The following DAB1 variants were observed in gnomAD, a reference collection of about 807,000 sequenced individuals.
The protein encoded by DAB1 is disabled homolog 1.
A neutral mutation model predicts 64.6 loss-of-function variants in DAB1; 15 were observed. The ratio of observed to expected loss-of-function variants is 0.23; its 90% CI spans 0.16 to 0.36. The LOEUF (loss-of-function observed/expected upper bound fraction) is 0.36, where lower values mean the gene tolerates loss of function less well. DAB1 is among the 10% of genes least tolerant of loss of function. DAB1 has a pLI of 1.00. For synonymous variants in DAB1, 235 were observed against 251.9 expected (o/e 0.93, Z 0.64); for missense variants, 596 against 706.7 (o/e 0.84, Z 1.78).
intron 1 of DAB1, among the ~76,000 whole-genome samples, chr1:57,407,667 C>T (rs968095267): frequency 6.6e-6 from 1 of 152,104 alleles, no homozygotes; most frequent in Non-Finnish European, 1.5e-5. Flanking sequence ...AGCTAGTTAT[C>T]AGCCAAGCCT....
intron 5 of DAB1, among the ~76,000 whole-genome samples, chr1:58,102,427 G>A (rs1651378820): frequency 1.3e-5 from 2 of 152,172 alleles, no homozygotes; most frequent in South Asian, 4.1e-4. Flanking sequence ...CTGGAATGGA[G>A]ACACCAAGAA....
intron 5 of DAB1, among the ~76,000 whole-genome samples, chr1:58,100,161 T>C (rs1651228493): frequency 1.3e-5 from 2 of 152,236 alleles, no homozygotes; most frequent in Admixed American, 1.3e-4. Flanking sequence ...GTTCACAATG[T>C]TGAAAACCTT....
intron 4 of DAB1, among the ~76,000 whole-genome samples, chr1:58,210,667 C>T (rs1658508846): frequency 1.3e-5 from 2 of 152,160 alleles, no homozygotes; most frequent in South Asian, 4.1e-4. Flanking sequence ...TTCATGTATT[C>T]ATTTATTCCA....
At chr1:57,728,226 T>C (rs1214497595) in intron 6 of DAB1, among the ~76,000 whole-genome samples, 3 of 152,152 alleles carry the variant, frequency 2.0e-5, no homozygotes, top group Non-Finnish European at 4.4e-5. Context: ...AAAACCAAAG[T>C]CTGTTCTGCT....
intron 5 of DAB1, among the ~76,000 whole-genome samples, chr1:58,065,602 C>A (rs1483585579): frequency 6.6e-6 from 1 of 152,146 alleles, no homozygotes; most frequent in Non-Finnish European, 1.5e-5. Context: ...AATGGAACAA[C>A]ATGGTCCCCT....
chr1:58,206,376 G>A (rs1658284726), intron 4 of DAB1, among the ~76,000 whole-genome samples: 1 of 152,172 alleles, frequency 6.6e-6, no homozygotes, highest in Non-Finnish European at 1.5e-5. Flanking sequence ...TTCATTGGGA[G>A]GAAAGTATGC....
intron 4 of DAB1, among the ~76,000 whole-genome samples, chr1:57,124,385 T>G (rs1656940638): frequency 1.3e-5 from 2 of 152,106 alleles, no homozygotes; most frequent in Non-Finnish European, 2.9e-5. Context: ...AGATGATGCA[T>G]CTCAGTATCT....
intron 7 of DAB1, among the ~76,000 whole-genome samples, chr1:57,516,575 C>A (rs1028471347): frequency 3.3e-5 from 5 of 152,188 alleles, no homozygotes; most frequent in African/African-American, 1.2e-4. Context: ...TTACTCTGAT[C>A]TTGTCATCTG....
chr1:58,389,000 G>A (rs1270555963), intron 3 of DAB1, among the ~76,000 whole-genome samples: 1 of 152,212 alleles, frequency 6.6e-6, no homozygotes, highest in Non-Finnish European at 1.5e-5. Context: ...CATGAAGCAG[G>A]CAACAAACAT....
chr1:57,772,886 T>G (rs1230761302), intron 6 of DAB1, among the ~76,000 whole-genome samples: 2 of 152,112 alleles, frequency 1.3e-5, no homozygotes, highest in Non-Finnish European at 2.9e-5. Context: ...GAGGTCAAAC[T>G]GAATTATGGT....
chr1:58,120,337 C>T (rs2100671076), intron 5 of DAB1, among the ~76,000 whole-genome samples: 1 of 152,252 alleles, frequency 6.6e-6, no homozygotes, highest in East Asian at 1.9e-4. Context: ...CCTCTCAGTG[C>T]TCCCTGTTTG....
At chr1:58,165,395 C>G (rs77824895) in intron 4 of DAB1, among the ~76,000 whole-genome samples, 1 of 152,250 alleles carries the variant, frequency 6.6e-6, no homozygotes, top group African/African-American at 2.4e-5. Context: ...ATAATTCCTG[C>G]AAACCTCCCC....
At chr1:57,566,633 GAATAC>G (rs1445029621) in intron 7 of DAB1, among the ~76,000 whole-genome samples, 1 of 152,126 alleles carries the variant, frequency 6.6e-6, no homozygotes, top group African/African-American at 2.4e-5. Context: ...TACCATCAGA[GAATAC>G]TATAAACACC....
At chr1:57,145,467 G>A (rs1332480363) in intron 2 of DAB1, 38 bp from the exon 3 acceptor site, 3 of 1,609,646 alleles carry the variant, frequency 1.9e-6, no homozygotes, top group African/African-American at 1.3e-5. Context: ...ATGTAGCTGT[G>A]CAGACCCCAG....
At chr1:57,233,793 C>T (rs1034855327) in intron 2 of DAB1, among the ~76,000 whole-genome samples, 8 of 151,862 alleles carry the variant, frequency 5.3e-5, no homozygotes, top group African/African-American at 1.9e-4. Flanking sequence ...AACCTGCTGC[C>T]AGGTGAGTGG....
chr1:57,708,013 G>T (rs1199332123), intron 6 of DAB1, among the ~76,000 whole-genome samples: 1 of 152,180 alleles, frequency 6.6e-6, no homozygotes, highest in Non-Finnish European at 1.5e-5. Context: ...TAGGGAAGGG[G>T]TCATATGGGC....
chr1:58,160,671 T>C (rs776749893), intron 4 of DAB1, among the ~76,000 whole-genome samples: 35 of 152,044 alleles, frequency 2.3e-4, no homozygotes, highest in Non-Finnish European at 4.0e-4. Flanking sequence ...TTCAAACCAA[T>C]AGGCTACAAA....
intron 9 of DAB1, among the ~76,000 whole-genome samples, chr1:57,055,592 G>A (rs978366028): frequency 6.6e-6 from 1 of 152,194 alleles, no homozygotes; most frequent in South Asian, 2.1e-4. Flanking sequence ...AGGTGAAGGA[G>A]AGCAATAAGA....
At chr1:57,511,249 A>T (rs1644402028) in intron 7 of DAB1, among the ~76,000 whole-genome samples, 1 of 152,200 alleles carries the variant, frequency 6.6e-6, no homozygotes, top group African/African-American at 2.4e-5. Context: ...TTTCTATGAA[A>T]AATAACAAAA....
Sources: gnomAD v4.1 joint callset for allele counts (sites outside exome capture counted in the v4.1 genomes callset) on GRCh38, gnomAD v4.1.1 for gene constraint, MANE v1.5 for transcripts, NCBI Gene and HGNC (gene_info 2026-07-23, HGNC 2026-07-21) for gene names.